The following MMP26 variants were observed in gnomAD, a reference collection of about 807,000 sequenced individuals.
The protein encoded by MMP26 is matrix metallopeptidase 26.
In MMP26, 33 loss-of-function variants were observed where a neutral mutation model predicts 31.0. The observed-to-expected ratio is 1.06, with a 90% confidence interval of 0.81 to 1.42. The LOEUF is 1.42. Ranked by LOEUF, MMP26 falls within the 40% of genes most tolerant of loss-of-function variation. The pLI is 0.00. For missense variants in MMP26, 347 were observed against 316.1 expected (o/e 1.10, Z -0.74); for synonymous variants, 122 against 114.9 (o/e 1.06, Z -0.40).
In MMP26 at chr11:4,832,649, A is replaced by G. The variant is rs530028701; in HGVS notation, c.-145+65308A>G. 9.8e-5 allele frequency: 18 copies of G among 183,988 alleles called. No individual in the cohort carries two copies. The South Asian group carries it at 2.3e-3, about 24-fold the overall frequency. The allele number at this position is 183,988 out of a possible 1,614,324, so 11.4% of individuals were successfully genotyped here. On this transcript the variant is annotated intron_variant, in intron 2 of 7. Coordinates refer to ENST00000380390, the MANE Select transcript of MMP26 (RefSeq NM_021801.5). Reference sequence around the variant, plus strand: ...AAGAGACTCAGATACTGTAATAAACACCTTTTATCCCACTCCTACTGCCTT... The same window carrying G: ...AAGAGACTCAGATACTGTAATAAACGCCTTTTATCCCACTCCTACTGCCTT...
At position 4,860,408 on chromosome 11, in the gene MMP26, C is replaced by T. The variant is rs532287653; in HGVS notation, c.-145+93067C>T. 7.9e-5 allele frequency: 37 copies of T among 471,124 alleles called. No homozygotes were observed. The East Asian group carries it at 2.6e-3, about 33-fold the overall frequency. 29.2% of individuals were successfully genotyped at this position (471,124 alleles called of 1,614,324 possible). On this transcript the variant is annotated intron_variant, in intron 2 of 7. Coordinates refer to ENST00000380390, the MANE Select transcript of MMP26 (RefSeq NM_021801.5). ...GTGGGCTCATGGAGACTTGGCTCCA[C>T]CTTGATGACAGCTAGGATGGTACCA...
intron 2 of MMP26, chr11:4,908,473 GA>G (rs80125653): frequency 2.5e-5 from 16 of 648,988 alleles, no homozygotes; most frequent in Admixed American, 1.6e-4. Flanking sequence ...GAACAGGATA[GA>G]AAAAAAAGTC....
chr11:4,914,604 G>T, intron 2 of MMP26: 1 of 725,706 alleles, frequency 1.4e-6, no homozygotes, highest in South Asian at 1.9e-5. Flanking sequence ...ACTCATCCCT[G>T]TACATGTTTG....
At chr11:4,822,342 G>C (rs754149434) in intron 2 of MMP26, 1 of 1,493,238 alleles carries the variant, frequency 6.7e-7, no homozygotes, top group Non-Finnish European at 8.9e-7. Context: ...CCATTATCAA[G>C]GTCTTAATTC....
chr11:4,985,093 A>G lies in MMP26; in HGVS notation c.-144-2975A>G, dbSNP rs575464901. Among the ~76,000 whole-genome samples the G allele has an allele frequency of 2.6e-5, 4 of 152,324 alleles. No homozygotes were observed. In the South Asian group the frequency reaches 8.3e-4, roughly 32 times the overall value. On this transcript the variant is annotated intron_variant, in intron 2 of 7. Transcript: ENST00000380390. ...TATTCAGGCCATAGAAACATCAAAGATATGTCGATGATATTATTGATGGAG... is the reference window on the plus strand; with the variant it reads ...TATTCAGGCCATAGAAACATCAAAGGTATGTCGATGATATTATTGATGGAG...
intron 2 of MMP26, among the ~76,000 whole-genome samples, chr11:4,775,964 C>A (rs1848786499): frequency 6.6e-6 from 1 of 152,076 alleles, no homozygotes; most frequent in Non-Finnish European, 1.5e-5. Context: ...CCTACCCTTC[C>A]AAGTCTCCAG....
chr11:4,949,365 GA>G lies in MMP26; in HGVS notation c.-144-38701del, dbSNP rs1260078843. Reference sequence around the variant, plus strand: ...TTTAAAAGTGTTATTTATGTACAAAGAATATTAATATACAGCTATAATTATA... The same window carrying G: ...TTTAAAAGTGTTATTTATGTACAAAGATATTAATATACAGCTATAATTATA... On this transcript the variant is annotated intron_variant, in intron 2 of 7. Coordinates refer to ENST00000380390, the MANE Select transcript of MMP26 (RefSeq NM_021801.5). Among the ~76,000 whole-genome samples, 4 of 122,674 alleles carry G rather than the reference GA, an allele frequency of 3.3e-5. 1 individual carries two copies. The highest frequency in any genetic ancestry group is 1.1e-4 in the African/African-American group (4 of 36,340). The allele number at this position is 122,674 out of a possible 152,430, so 80.5% of individuals were successfully genotyped here.
At position 4,964,363 on chromosome 11, in the gene MMP26, T is replaced by TGGGA. The variant is rs562961289; in HGVS notation, c.-144-23705_-144-23704insGGGA. Among the ~76,000 whole-genome samples the TGGGA allele has an allele frequency of 1.6e-4, 24 of 152,316 alleles. 1 individual carries two copies. The East Asian group carries it at 3.1e-3, about 20-fold the overall frequency. On this transcript the variant is annotated intron_variant, in intron 2 of 7. Coordinates refer to ENST00000380390, the MANE Select transcript of MMP26 (RefSeq NM_021801.5). Reference sequence around the variant, plus strand: ...AGTTTTCCTAGCACCATTTATTAAATAAGGAATCCTTTCCCCATTGCTTAT... The same window carrying TGGGA: ...AGTTTTCCTAGCACCATTTATTAAATGGGAAAGGAATCCTTTCCCCATTGCTTAT...
chr11:4,985,051 G>A (rs1299300197), intron 2 of MMP26, among the ~76,000 whole-genome samples: 1 of 152,032 alleles, frequency 6.6e-6, no homozygotes, highest in Non-Finnish European at 1.5e-5. Context: ...ATTCCACTGA[G>A]CTTAGGTTTT....
At position 4,821,620 on chromosome 11, in the gene MMP26, A is replaced by G. The variant is rs749057050; in HGVS notation, c.-145+54279A>G. The G allele has an allele frequency of 1.2e-5, 19 of 1,613,768 alleles. No homozygotes were observed. Among genetic ancestry groups the G allele is most frequent in the Non-Finnish European group, 5.1e-6 (6 of 1,179,890 alleles). On this transcript the variant is annotated intron_variant, in intron 2 of 7. Coordinates refer to ENST00000380390, the MANE Select transcript of MMP26 (RefSeq NM_021801.5). ...TAAGCCTATGTACTATTTCCTCTCT[A>G]TGCTTTCAGCCACAGACCTGAGCTT... is the stretch of plus-strand genomic sequence containing the variant.
At chr11:4,854,118 GA>G (rs1212091615) in intron 2 of MMP26, among the ~76,000 whole-genome samples, 4 of 152,176 alleles carry the variant, frequency 2.6e-5, no homozygotes. Context: ...GGCTGAATAG[GA>G]ACAGCTCCAG....
chr11:4,804,407 G>GA, intron 2 of MMP26: 1 of 1,528,658 alleles, frequency 6.5e-7, no homozygotes, highest in East Asian at 2.2e-5. Flanking sequence ...TCTCTGCTGG[G>GA]AACGCAATCT....
At chr11:4,877,591 G>A (rs1850400919) in intron 2 of MMP26, 1 of 152,186 alleles carries the variant, frequency 6.6e-6, no homozygotes, top group African/African-American at 2.4e-5. Context: ...TCCCACAGAA[G>A]TGGATATTTT....
At chr11:4,915,809 T>G in intron 2 of MMP26, 2 of 559,982 alleles carry the variant, frequency 3.6e-6, no homozygotes, top group Non-Finnish European at 6.2e-6. Flanking sequence ...CTAGTGGTTA[T>G]GTCTTTCTGG....
intron 1 of MMP26, among the ~76,000 whole-genome samples, chr11:4,705,989 G>C (rs983508320): frequency 1.3e-5 from 2 of 148,462 alleles, no homozygotes; most frequent in African/African-American, 5.0e-5. Context: ...GGTGGTGGTG[G>C]TGGGGGGAGC....
rs868203037 is a variant in MMP26, at chr11:4,951,230, C to G, written c.-144-36838C>G. 2.3e-4 allele frequency among the ~76,000 whole-genome samples: 29 copies of G among 123,720 alleles called. 4 individuals carry two copies. Among genetic ancestry groups the G allele is most frequent in the African/African-American group, 6.6e-4 (24 of 36,540 alleles). 81.2% of individuals were successfully genotyped at this position (123,720 alleles called of 152,430 possible). On this transcript the variant is annotated intron_variant, in intron 2 of 7. Coordinates refer to ENST00000380390, the MANE Select transcript of MMP26 (RefSeq NM_021801.5). ...CTCCCTGGGTGATTTTAATGCCTTA[C>G]CATAAAGATTGAAATGTAAAATTTT...
At chr11:4,793,599 C>A (rs956817976) in intron 2 of MMP26, among the ~76,000 whole-genome samples, 1 of 152,126 alleles carries the variant, frequency 6.6e-6, no homozygotes, top group East Asian at 1.9e-4. Context: ...GCCATAGTTT[C>A]CTGGATCCTT....
At chr11:4,883,083 A>C (rs1427483136) in intron 2 of MMP26, among the ~76,000 whole-genome samples, 1 of 152,182 alleles carries the variant, frequency 6.6e-6, no homozygotes. Context: ...TTAATTGAGC[A>C]TATGTCCCTG....
intron 2 of MMP26, chr11:4,915,135 G>C (rs1452622197): frequency 6.2e-7 from 1 of 1,614,086 alleles, no homozygotes. Context: ...GAGAGAACTG[G>C]GGAGCCACAA....
Sources: allele counts gnomAD v4.1 joint callset (sites outside exome capture counted in the v4.1 genomes callset), GRCh38; gene constraint gnomAD v4.1.1; transcripts MANE v1.5; gene names NCBI Gene and HGNC (gene_info 2026-07-23, HGNC 2026-07-21).